Variants in MAP3K5 observed in about 807,000 individuals in gnomAD.
The protein encoded by MAP3K5 is ASK-1.
A neutral mutation model predicts 158.7 loss-of-function variants in MAP3K5; 56 were observed. That is an observed-to-expected ratio of 0.35 (90% confidence interval 0.28 to 0.44). The LOEUF is 0.44. MAP3K5 is among the 20% of genes least tolerant of loss of function. The pLI is 1.00. For synonymous variants in MAP3K5, 579 were observed against 601.7 expected, an observed-to-expected ratio of 0.96 and a Z score of 0.55; for missense variants, 1,294 against 1,674.8, an observed-to-expected ratio of 0.77 and a Z score of 3.97.
At chr6:136,634,100 G>C (rs1777502905) in intron 14 of MAP3K5, among the ~76,000 whole-genome samples, 2 of 152,044 alleles carry the variant, frequency 1.3e-5, no homozygotes, top group African/African-American at 4.8e-5. Flanking sequence ...TTCAATTTGT[G>C]GTAATGAAAT....
intron 14 of MAP3K5, among the ~76,000 whole-genome samples, chr6:136,630,652 C>T (rs1249257905): frequency 6.6e-6 from 1 of 152,218 alleles, no homozygotes; most frequent in Non-Finnish European, 1.5e-5. Context: ...GGAGATGTTG[C>T]ATAAACAAAA....
At chr6:136,742,920 A>G (rs1233719212) in intron 1 of MAP3K5, among the ~76,000 whole-genome samples, 1 of 152,234 alleles carries the variant, frequency 6.6e-6, no homozygotes, top group Non-Finnish European at 1.5e-5. Flanking sequence ...GGGCCAGGCA[A>G]AGTGGCTCAC....
At position 136,792,189 on chromosome 6, in the gene MAP3K5, TC is replaced by T; in HGVS notation, c.-33del. On this transcript the variant is annotated 5_prime_UTR_variant, in exon 1 of 30. Coordinates refer to ENST00000359015, the MANE Select transcript of MAP3K5 (RefSeq NM_005923.4). This position sits in a 1 kb window ranked among gnomAD's most constrained non-coding sequence, Gnocchi z 5.7. The stretch of plus-strand genomic sequence containing the variant: ...GGGCCGGGCAGCAACGGCGGCGGCG[TC>T]CCCCGCCCAGCCGCACCGCCTGGCC... 6.6e-7 allele frequency: 1 copy of T among 1,521,202 alleles called. No individual in the cohort carries two copies. The allele number at this position is 1,521,202 out of a possible 1,614,324, so 94.2% of individuals were successfully genotyped here.
chr6:136,648,422 T>A (rs1418055753), intron 11 of MAP3K5, among the ~76,000 whole-genome samples: 2 of 152,156 alleles, frequency 1.3e-5, no homozygotes, highest in Non-Finnish European at 2.9e-5. Flanking sequence ...TTTCACAAAC[T>A]GGGATTGGAG....
intron 13 of MAP3K5, among the ~76,000 whole-genome samples, chr6:136,638,771 T>A (rs1295930983): frequency 6.6e-6 from 1 of 152,146 alleles, no homozygotes; most frequent in Non-Finnish European, 1.5e-5. Context: ...AACGACTGTA[T>A]ATTGTAGCTA....
intron 1 of MAP3K5, among the ~76,000 whole-genome samples, chr6:136,778,936 C>T (rs960071107): frequency 3.3e-5 from 5 of 152,050 alleles, no homozygotes; most frequent in African/African-American, 7.2e-5. Flanking sequence ...GGGACAGATG[C>T]GGGAGGATCA....
At chr6:136,709,348 C>T (rs895979152) in intron 2 of MAP3K5, among the ~76,000 whole-genome samples, 7 of 152,174 alleles carry the variant, frequency 4.6e-5, no homozygotes, top group African/African-American at 1.7e-4. Flanking sequence ...TTTCACTTCT[C>T]TCTAATGTGA....
intron 21 of MAP3K5, among the ~76,000 whole-genome samples, chr6:136,597,590 A>G (rs1230163201): frequency 3.3e-5 from 5 of 152,226 alleles, no homozygotes; most frequent in African/African-American, 1.2e-4. Context: ...TTAAAAGTAC[A>G]GAATTCCAGC....
intron 23 of MAP3K5, among the ~76,000 whole-genome samples, chr6:136,587,967 C>T (rs151019912): frequency 2.2e-4 from 34 of 152,270 alleles, no homozygotes; most frequent in Middle Eastern, 3.4e-3. Flanking sequence ...CCTGATGATG[C>T]TATGGTCCAG....
intron 1 of MAP3K5, among the ~76,000 whole-genome samples, chr6:136,784,880 T>C (rs147239905): frequency 1.2e-3 from 178 of 152,314 alleles, no homozygotes; most frequent in Non-Finnish European, 2.0e-3. Flanking sequence ...GGCTGGTTGT[T>C]GATTTTCTTG....
intron 1 of MAP3K5, among the ~76,000 whole-genome samples, chr6:136,775,270 A>G (rs1471443673): frequency 2.0e-5 from 3 of 152,256 alleles, no homozygotes; most frequent in African/African-American, 7.2e-5. Flanking sequence ...TGGTGACCAC[A>G]TATTAGGTAT....
intron 26 of MAP3K5, among the ~76,000 whole-genome samples, chr6:136,566,844 T>G (rs1774133153): frequency 6.6e-6 from 1 of 152,240 alleles, no homozygotes; most frequent in Admixed American, 6.5e-5. Context: ...AATAAGATAT[T>G]TTTAATCTCC....
intron 9 of MAP3K5, among the ~76,000 whole-genome samples, chr6:136,656,786 T>G (rs1778771882): frequency 6.6e-6 from 1 of 152,152 alleles, no homozygotes; most frequent in South Asian, 2.1e-4. Context: ...CACGCCTGGC[T>G]ACGTTTTGCA....
At chr6:136,611,167 T>C in intron 18 of MAP3K5, 115 bp downstream of exon 18, 1 of 283,072 alleles carries the variant, frequency 3.5e-6, no homozygotes, top group East Asian at 6.6e-5. Context: ...AGAAAAAAGA[T>C]ACCAACATTA....
At chr6:136,597,210 C>T (rs1775671777) in intron 21 of MAP3K5, among the ~76,000 whole-genome samples, 1 of 152,170 alleles carries the variant, frequency 6.6e-6, no homozygotes, top group Admixed American at 6.5e-5. Flanking sequence ...TAAGAGATAG[C>T]TTTACCAAGA....
Position 136,791,122 on chromosome 6 carries a change from T to C in MAP3K5, c.448+588A>G, listed in dbSNP as rs560633387. The stretch of plus-strand genomic sequence containing the variant: ...ACAAGTTCAGTGTAAGTTGTAATGT[T>C]ATTGCCTTTGGAAGCACTGTAATTA... On this transcript the variant is annotated intron_variant, in intron 1 of 29. Transcript: ENST00000359015. Among the ~76,000 whole-genome samples the C allele has an allele frequency of 9.2e-5, 14 of 152,326 alleles. 1 individual carries two copies. The South Asian group carries it at 2.9e-3, about 32-fold the overall frequency.
intron 3 of MAP3K5, among the ~76,000 whole-genome samples, chr6:136,702,445 T>C (rs1338732738): frequency 2.0e-5 from 3 of 152,198 alleles, no homozygotes; most frequent in East Asian, 3.9e-4. Context: ...TGTGTGCAGA[T>C]TGCCACCAAA....
rs565540946 is a variant in MAP3K5, at chr6:136,658,186, C to T, written c.1526+1033G>A. Among the ~76,000 whole-genome samples, 19 of 152,050 alleles carry T rather than the reference C, an allele frequency of 1.2e-4. No homozygotes were observed. The South Asian group carries it at 3.5e-3, about 28-fold the overall frequency. On this transcript the variant is annotated intron_variant, in intron 9 of 29. Coordinates refer to ENST00000359015, the MANE Select transcript of MAP3K5 (RefSeq NM_005923.4). ...CCGAGTCGGTGGCCTGGGCTCTGAG[C>T]GGCTCTGGAAACAGGCTTCCACTAT...
chr6:136,763,409 T>A (rs1582662181), intron 1 of MAP3K5, among the ~76,000 whole-genome samples: 1 of 152,310 alleles, frequency 6.6e-6, no homozygotes, highest in African/African-American at 2.4e-5. Context: ...TGCCCAAAGA[T>A]GTGGGGAAAC....
Sources: allele counts gnomAD v4.1 joint callset (sites outside exome capture counted in the v4.1 genomes callset), GRCh38; gene constraint gnomAD v4.1.1; non-coding constraint Gnocchi (gnomAD v3.1); transcripts MANE v1.5; gene names NCBI Gene and HGNC (gene_info 2026-07-23, HGNC 2026-07-21).